The following DACH1 variants were observed in gnomAD, a reference collection of about 807,000 sequenced individuals.
DACH1 encodes the protein dachshund homolog 1.
In DACH1, 12 loss-of-function variants were observed where a neutral mutation model predicts 54.2. That is an observed-to-expected ratio of 0.22 (90% confidence interval 0.14 to 0.36). The LOEUF (loss-of-function observed/expected upper bound fraction) is 0.36, where lower values mean the gene tolerates loss of function less well. DACH1 is among the 10% of genes least tolerant of loss of function. The pLI is 1.00. For missense variants in DACH1, 805 were observed against 929.8 expected (o/e 0.87, Z 1.75); for synonymous variants, 386 against 366.2 (o/e 1.05, Z -0.62).
intron 1 of DACH1, among the ~76,000 whole-genome samples, chr13:71,690,277 T>G (rs891838918): frequency 2.0e-5 from 3 of 152,224 alleles, no homozygotes; most frequent in South Asian, 4.1e-4. Flanking sequence ...TACCTTTCTA[T>G]AGCATACATT....
intron 1 of DACH1, among the ~76,000 whole-genome samples, chr13:71,695,436 T>C (rs572437884): frequency 2.8e-4 from 42 of 152,242 alleles, no homozygotes; most frequent in African/African-American, 7.7e-4. Context: ...TTTAAGTGAC[T>C]TTAGAAAGAG....
At chr13:71,783,984 A>C (rs1184022899) in intron 1 of DACH1, among the ~76,000 whole-genome samples, 1 of 151,458 alleles carries the variant, frequency 6.6e-6, no homozygotes, top group Admixed American at 6.6e-5. Context: ...AAAAAAACAA[A>C]AAAAAAACTA....
At chr13:71,863,901 G>T (rs536555922) in intron 1 of DACH1, among the ~76,000 whole-genome samples, 35 of 150,850 alleles carry the variant, frequency 2.3e-4, no homozygotes, top group African/African-American at 8.6e-4. Flanking sequence ...GAAAAAAAAA[G>T]TAGCAATTCA....
intron 1 of DACH1, among the ~76,000 whole-genome samples, chr13:71,818,461 T>C (rs1239472266): frequency 6.6e-6 from 1 of 152,156 alleles, no homozygotes; most frequent in African/African-American, 2.4e-5. Flanking sequence ...GGACAGGCCA[T>C]GCAAGCCCTG....
rs191280089 is a variant in DACH1, at chr13:71,680,164, C to A, written c.964+1631G>T. ...CAGTAGGATTCAGTTACTTGAAAAA[C>A]ATGATTAAATAAAGTAAAATGACGA... On this transcript the variant is annotated intron_variant, in intron 2 of 10. Coordinates refer to ENST00000613252, the MANE Select transcript of DACH1 (RefSeq NM_080759.6). Among the ~76,000 whole-genome samples, 7 of 152,248 alleles carry A rather than the reference C, an allele frequency of 4.6e-5. No individual in the cohort carries two copies. The East Asian group carries it at 1.4e-3, about 29-fold the overall frequency.
chr13:71,486,254 A>G (rs1198138468), intron 7 of DACH1, among the ~76,000 whole-genome samples: 1 of 152,068 alleles, frequency 6.6e-6, no homozygotes, highest in Admixed American at 6.6e-5. Flanking sequence ...TTAATAAAAA[A>G]TAACATCTTT....
At chr13:71,597,141 G>C (rs1874153969) in intron 3 of DACH1, among the ~76,000 whole-genome samples, 1 of 152,100 alleles carries the variant, frequency 6.6e-6, no homozygotes, top group Non-Finnish European at 1.5e-5. Flanking sequence ...TTGTGATGTA[G>C]CGTGAATTGA....
intron 10 of DACH1, among the ~76,000 whole-genome samples, chr13:71,463,579 G>A (rs1876296495): frequency 6.6e-6 from 1 of 151,924 alleles, no homozygotes; most frequent in South Asian, 2.1e-4. Context: ...GGAACTCAAA[G>A]ATTCTGGATT....
intron 1 of DACH1, among the ~76,000 whole-genome samples, chr13:71,735,223 A>G (rs111205656): frequency 0.7 from 55,523 of 79,302 alleles, 20,273 homozygotes; most frequent in Non-Finnish European, 0.83. Context: ...TGGGATATAC[A>G]TATGTATATG....
At chr13:71,631,870 A>G (rs932723285) in intron 2 of DACH1, among the ~76,000 whole-genome samples, 2 of 152,116 alleles carry the variant, frequency 1.3e-5, no homozygotes, top group African/African-American at 4.8e-5. Context: ...AGGCAGAGAC[A>G]GGCGGATCCC....
chr13:71,726,484 A>G (rs1032073233), intron 1 of DACH1, among the ~76,000 whole-genome samples: 3 of 152,140 alleles, frequency 2.0e-5, no homozygotes, highest in African/African-American at 4.8e-5. Context: ...ACAAATTCTA[A>G]GTAAAAAAGT....
intron 1 of DACH1, among the ~76,000 whole-genome samples, chr13:71,780,059 T>C (rs1041585721): frequency 6.6e-6 from 1 of 152,136 alleles, no homozygotes; most frequent in African/African-American, 2.4e-5. Context: ...TGGGATATTA[T>C]ATATAAAAAG....
chr13:71,774,056 A>G (rs1885969060), intron 1 of DACH1, among the ~76,000 whole-genome samples: 1 of 152,026 alleles, frequency 6.6e-6, no homozygotes, highest in Admixed American at 6.6e-5. Flanking sequence ...TTTTTAATAA[A>G]CAAATTTTCA....
intron 1 of DACH1, among the ~76,000 whole-genome samples, chr13:71,718,392 C>T (rs1003204181): frequency 1.4e-4 from 21 of 152,040 alleles, no homozygotes; most frequent in East Asian, 5.8e-4. Context: ...CAAGACCAGT[C>T]TGGGCAACAT....
intron 7 of DACH1, among the ~76,000 whole-genome samples, chr13:71,481,313 A>C (rs537501845): frequency 6.6e-6 from 1 of 152,314 alleles, no homozygotes; most frequent in Admixed American, 6.5e-5. Flanking sequence ...TTAAACTATT[A>C]TTGTCCTTGG....
chr13:71,583,707 G>A (rs1400695163), intron 3 of DACH1, among the ~76,000 whole-genome samples: 1 of 152,002 alleles, frequency 6.6e-6, no homozygotes. Flanking sequence ...CGGACATGGT[G>A]GTATACATCT....
At chr13:71,793,847 A>C (rs1886930646) in intron 1 of DACH1, among the ~76,000 whole-genome samples, 1 of 152,154 alleles carries the variant, frequency 6.6e-6, no homozygotes, top group Non-Finnish European at 1.5e-5. Flanking sequence ...TTTTTAGTGA[A>C]AAAAATTGAG....
chr13:71,606,476 T>C (rs1295053938), intron 3 of DACH1, among the ~76,000 whole-genome samples: 1 of 152,050 alleles, frequency 6.6e-6, no homozygotes, highest in Non-Finnish European at 1.5e-5. Context: ...TGATTACTGG[T>C]ATGACAGATA....
At chr13:71,484,723 A>C (rs1318388981) in intron 7 of DACH1, among the ~76,000 whole-genome samples, 1 of 152,170 alleles carries the variant, frequency 6.6e-6, no homozygotes, top group Non-Finnish European at 1.5e-5. Flanking sequence ...CAAGATAAAC[A>C]AAGTAAATAA....
Sources: gnomAD v4.1 joint callset for allele counts (sites outside exome capture counted in the v4.1 genomes callset) on GRCh38, gnomAD v4.1.1 for gene constraint, MANE v1.5 for transcripts, NCBI Gene and HGNC (gene_info 2026-07-23, HGNC 2026-07-21) for gene names.